The following IL33 variants were observed in gnomAD, a reference collection of about 807,000 sequenced individuals.
The protein encoded by IL33 is interleukin 33.
A neutral mutation model predicts 27.3 loss-of-function variants in IL33; 37 were observed. The ratio of observed to expected loss-of-function variants is 1.36; its 90% CI spans 1.04 to 1.78. IL33 has a LOEUF of 1.78. Among genes scored for constraint, IL33 ranks in the 40% most tolerant of loss-of-function variants. The pLI is 0.00. For missense variants in IL33, 406 were observed against 311.4 expected (o/e 1.30, Z -2.29); for synonymous variants, 132 against 102.9 (o/e 1.28, Z -1.71).
chr9:6,251,125 C>T lies in IL33; in HGVS notation c.218-15C>T, dbSNP rs755204165. 3.7e-6 allele frequency: 6 copies of T among 1,612,632 alleles called. No homozygotes were observed. The East Asian group carries it at 1.1e-4, about 30-fold the overall frequency. ...GGGGATTGATGGTCTATCCCTAATC[C>T]CATCCGGTCTGCAGGTAGAAAGCAC... On this transcript the variant is annotated splice_polypyrimidine_tract_variant and intron_variant, in intron 3 of 7. Coordinates refer to ENST00000682010, the MANE Select transcript of IL33 (RefSeq NM_033439.4).
chr9:6,227,217 T>G (rs967114290), intron 1 of IL33, among the ~76,000 whole-genome samples: 2 of 152,242 alleles, frequency 1.3e-5, no homozygotes, highest in African/African-American at 4.8e-5. Context: ...TCCAGGTTTA[T>G]GCAGCAGTTT....
In IL33 at chr9:6,216,527, G is replaced by A. The variant is rs574703673; in HGVS notation, c.-12+675G>A. On this transcript the variant is annotated intron_variant, in intron 1 of 7. Coordinates refer to ENST00000682010, the MANE Select transcript of IL33 (RefSeq NM_033439.4). Reference sequence around the variant, plus strand: ...AGGTGGGTGAATCGCCTGAGGTCAGGAGTTTGCAGCCAGCCTGGCCAAGAG... The same window carrying A: ...AGGTGGGTGAATCGCCTGAGGTCAGAAGTTTGCAGCCAGCCTGGCCAAGAG... Among the ~76,000 whole-genome samples the A allele has an allele frequency of 3.3e-5, 5 of 152,262 alleles. No individual in the cohort carries two copies. The South Asian group carries it at 1.0e-3, about 32-fold the overall frequency.
chr9:6,232,329 A>G (rs1204030053), intron 1 of IL33, among the ~76,000 whole-genome samples: 3 of 152,390 alleles, frequency 2.0e-5, no homozygotes, highest in East Asian at 3.9e-4. Context: ...ATCTTTGAAA[A>G]TGAAAATACC....
At chr9:6,227,728 C>A (rs1175092788) in intron 1 of IL33, among the ~76,000 whole-genome samples, 2 of 152,106 alleles carry the variant, frequency 1.3e-5, no homozygotes, top group African/African-American at 2.4e-5. Context: ...ATGAACTGAG[C>A]CTCAGTCTAT....
chr9:6,239,833 C>T (rs1819429635), intron 1 of IL33, among the ~76,000 whole-genome samples: 2 of 152,152 alleles, frequency 1.3e-5, no homozygotes, highest in Non-Finnish European at 2.9e-5. Context: ...CTTTCTGGCA[C>T]AACAGGATGT....
At chr9:6,253,462 G>T (rs1816528610) in intron 5 of IL33, 90 bp from the exon 6 acceptor site, 2 of 822,582 alleles carry the variant, frequency 2.4e-6, no homozygotes, top group Non-Finnish European at 3.9e-6. Flanking sequence ...AATAAAAGGG[G>T]AGGATATTTT....
At chr9:6,255,561 C>T (rs866207357) in intron 7 of IL33, among the ~76,000 whole-genome samples, 1 of 152,038 alleles carries the variant, frequency 6.6e-6, no homozygotes, top group Middle Eastern at 3.2e-3. Flanking sequence ...AAATAATAAT[C>T]ATTTATATTT....
intron 1 of IL33, among the ~76,000 whole-genome samples, chr9:6,221,985 G>A (rs1818431481): frequency 6.6e-6 from 1 of 152,178 alleles, no homozygotes; most frequent in Non-Finnish European, 1.5e-5. Flanking sequence ...AAATAATGAA[G>A]TCAGCAATTT....
chr9:6,229,574 T>G (rs1426624145), intron 1 of IL33, among the ~76,000 whole-genome samples: 1 of 152,192 alleles, frequency 6.6e-6, no homozygotes, highest in Non-Finnish European at 1.5e-5. Context: ...TCATAACAGC[T>G]CAACCAGGGA....
In IL33 at chr9:6,220,170, A is replaced by G. The variant is rs571526427; in HGVS notation, c.-12+4318A>G. On this transcript the variant is annotated intron_variant, in intron 1 of 7. Coordinates refer to ENST00000682010, the MANE Select transcript of IL33 (RefSeq NM_033439.4). ...TTTTGCCATTCCCATTGCTATTTCC[A>G]GAACTAAGAAGTTCACCCACAAACT... 6.5e-4 allele frequency among the ~76,000 whole-genome samples: 99 copies of G among 152,264 alleles called. 3 individuals are homozygous for G. The South Asian group carries it at 0.014, about 22-fold the overall frequency.
chr9:6,255,819 C>A (rs527275368), intron 7 of IL33, 149 bp from the exon 8 acceptor site: 2 of 637,000 alleles, frequency 3.1e-6, no homozygotes, highest in Non-Finnish European at 5.6e-6. Flanking sequence ...CTCACTTCTC[C>A]CCCTCTTCCC....
At chr9:6,248,564 T>C (rs1820014040) in intron 2 of IL33, among the ~76,000 whole-genome samples, 2 of 151,800 alleles carry the variant, frequency 1.3e-5, no homozygotes, top group African/African-American at 4.8e-5. Context: ...GTGTAAGAAA[T>C]AAATTTCTAT....
At chr9:6,226,886 C>G (rs1192580049) in intron 1 of IL33, among the ~76,000 whole-genome samples, 1 of 152,230 alleles carries the variant, frequency 6.6e-6, no homozygotes, top group Non-Finnish European at 1.5e-5. Flanking sequence ...GTCCTGAAGA[C>G]TTTTCTGTGG....
intron 1 of IL33, among the ~76,000 whole-genome samples, chr9:6,227,683 T>G (rs1289909919): frequency 6.6e-6 from 1 of 152,232 alleles, no homozygotes; most frequent in Admixed American, 6.5e-5. Flanking sequence ...ATAATGCTAC[T>G]AAATCTTCTC....
chr9:6,250,996 T>G (rs1450849961), intron 3 of IL33, 144 bp from the exon 4 acceptor site: 6 of 996,358 alleles, frequency 6.0e-6, no homozygotes, highest in Non-Finnish European at 8.6e-6. Context: ...TGCCAAGAGG[T>G]ATCAATCCCT....
chr9:6,247,468 T>C (rs938193541), intron 2 of IL33, among the ~76,000 whole-genome samples: 1 of 152,186 alleles, frequency 6.6e-6, no homozygotes, highest in Non-Finnish European at 1.5e-5. Flanking sequence ...TCAGCCATAG[T>C]CTAGTTCTCT....
intron 1 of IL33, among the ~76,000 whole-genome samples, chr9:6,219,517 C>T (rs1818323607): frequency 6.6e-6 from 1 of 152,118 alleles, no homozygotes; most frequent in African/African-American, 2.4e-5. Flanking sequence ...TGCAGTATAG[C>T]ATAATAGTAA....
chr9:6,222,226 T>G (rs1818442468), intron 1 of IL33, among the ~76,000 whole-genome samples: 1 of 152,256 alleles, frequency 6.6e-6, no homozygotes, highest in African/African-American at 2.4e-5. Context: ...TCTTCAGTTT[T>G]AAATGGCTTG....
intron 1 of IL33, among the ~76,000 whole-genome samples, chr9:6,221,672 G>A (rs573001726): frequency 2.0e-5 from 3 of 152,270 alleles, no homozygotes; most frequent in Non-Finnish European, 2.9e-5. Context: ...GTTTAGACCC[G>A]TTGGTTCTCC....
Sources: allele counts gnomAD v4.1 joint callset (sites outside exome capture counted in the v4.1 genomes callset), GRCh38; gene constraint gnomAD v4.1.1; transcripts MANE v1.5; gene names NCBI Gene and HGNC (gene_info 2026-07-23, HGNC 2026-07-21).